The following ZNRF1 variants were observed in gnomAD, a reference collection of about 807,000 sequenced individuals.
The protein encoded by ZNRF1 is E3 ubiquitin-protein ligase ZNRF1.
ZNRF1 carries 3 observed loss-of-function variants against 18.4 expected under a neutral mutation model. That is an observed-to-expected ratio of 0.16 (90% CI 0.07 to 0.42). ZNRF1 has a LOEUF of 0.42. Ranked by LOEUF, ZNRF1 falls within the 10% of genes least tolerant of loss-of-function variation. The pLI is 0.99. For synonymous variants in ZNRF1, 157 were observed against 144.2 expected (o/e 1.09, Z -0.64); for missense variants, 310 against 329.8 (o/e 0.94, Z 0.47).
chr16:75,058,830 C>G (rs962106264), intron 1 of ZNRF1, among the ~76,000 whole-genome samples: 5 of 152,212 alleles, frequency 3.3e-5, no homozygotes, highest in Non-Finnish European at 4.4e-5. Context: ...AAATCGGTCT[C>G]ATCCCCCAGG....
intron 1 of ZNRF1, among the ~76,000 whole-genome samples, chr16:75,089,360 T>C (rs2036109864): frequency 6.6e-6 from 1 of 152,164 alleles, no homozygotes; most frequent in African/African-American, 2.4e-5. Flanking sequence ...CCTCCCACCA[T>C]GGCCTCCCAC....
At chr16:75,104,611 T>C (rs1000764224) in intron 2 of ZNRF1, 173 bp from the exon 3 acceptor site, 1 of 540,988 alleles carries the variant, frequency 1.8e-6, no homozygotes, top group Non-Finnish European at 3.3e-6. Flanking sequence ...ACGCATTATC[T>C]CCACGGTGAA....
chr16:75,106,603 A>G (rs898940690), intron 4 of ZNRF1, 32 bp downstream of exon 4: 1 of 1,600,802 alleles, frequency 6.2e-7, no homozygotes, highest in Admixed American at 1.7e-5. Context: ...CTCCGGGCTC[A>G]AGGCTTGGGG....
chr16:75,068,423 A>T (rs2035830171), intron 1 of ZNRF1, among the ~76,000 whole-genome samples: 1 of 152,028 alleles, frequency 6.6e-6, no homozygotes, highest in Non-Finnish European at 1.5e-5. Flanking sequence ...CGGGGGGCAC[A>T]AGCAGTGGAG....
chr16:75,078,187 C>T (rs192383630), intron 1 of ZNRF1, among the ~76,000 whole-genome samples: 6 of 151,614 alleles, frequency 4.0e-5, no homozygotes, highest in African/African-American at 7.3e-5. Context: ...ATAACTTGTG[C>T]GTGGAGAAGT....
intron 1 of ZNRF1, among the ~76,000 whole-genome samples, chr16:75,013,007 G>A (rs748798338): frequency 1.2e-4 from 19 of 152,222 alleles, no homozygotes; most frequent in Non-Finnish European, 2.2e-4. Context: ...AATTGTGGGA[G>A]TGAGTTTTCT....
rs1325320219 is a variant in ZNRF1 at position 75,108,276 on chromosome 16, A to AC, written c.*579dup. ...TTTTTTGCTCTTTTCTCCCCTTGAG[A>AC]CCCTAATATCTTGACTTCATTGCCA... is the stretch of plus-strand genomic sequence containing the variant. On this transcript the variant is annotated 3_prime_UTR_variant, in exon 5 of 5. Coordinates refer to ENST00000335325, the MANE Select transcript of ZNRF1 (RefSeq NM_032268.5). The AC allele has an allele frequency of 3.9e-5, 11 of 281,318 alleles. No homozygotes were observed. Among genetic ancestry groups the AC allele is most frequent in the Non-Finnish European group, 5.9e-5 (9 of 153,568 alleles). 17.4% of individuals were successfully genotyped at this position (281,318 alleles called of 1,614,324 possible). A position where few individuals can be genotyped will look rare whatever the true frequency, so the allele number is the denominator to read the frequency against.
At chr16:75,090,985 A>C (rs1383283325) in intron 1 of ZNRF1, among the ~76,000 whole-genome samples, 1 of 152,108 alleles carries the variant, frequency 6.6e-6, no homozygotes, top group Admixed American at 6.5e-5. Flanking sequence ...TCCTGAGCTC[A>C]AGTGATTTCC....
At chr16:75,071,852 C>T (rs1463488396) in intron 1 of ZNRF1, among the ~76,000 whole-genome samples, 1 of 152,182 alleles carries the variant, frequency 6.6e-6, no homozygotes, top group Non-Finnish European at 1.5e-5. Flanking sequence ...GGGGCCTTTG[C>T]ACATGATGCC....
intron 1 of ZNRF1, among the ~76,000 whole-genome samples, chr16:75,007,170 T>G (rs966253288): frequency 6.6e-6 from 1 of 151,376 alleles, no homozygotes; most frequent in African/African-American, 2.4e-5. Context: ...CGATCCTCCT[T>G]CCTCAGCCTC....
rs2036344144 is a variant in ZNRF1, at chr16:75,108,610, A to G, written c.*910A>G. ...TATTTATATATTAAAATACAAAAAAAAACTTATAAAATGTTTAAAAAAATG... is the reference window on the plus strand; with the variant it reads ...TATTTATATATTAAAATACAAAAAAGAACTTATAAAATGTTTAAAAAAATG... On this transcript the variant is annotated 3_prime_UTR_variant, in exon 5 of 5. Transcript: ENST00000335325. 2.5e-6 allele frequency: 1 copy of G among 398,948 alleles called. No individual in the cohort carries two copies. Among genetic ancestry groups the G allele is most frequent in the East Asian group, 3.6e-5 (1 of 28,060 alleles). 24.7% of individuals were successfully genotyped at this position (398,948 alleles called of 1,614,324 possible).
rs116686142 is a variant in ZNRF1 at position 75,095,361 on chromosome 16, C to T, written c.520+1694C>T. On this transcript the variant is annotated intron_variant, in intron 2 of 4. Transcript: ENST00000335325. ...GTTGTCACATGTGCTGCAGGCTTCG[C>T]GTCAGTCCTGTCGCATGCATGCTGT... Among the ~76,000 whole-genome samples the T allele has an allele frequency of 7.9e-3, 1,198 of 152,188 alleles. 25 individuals carry two copies. Among genetic ancestry groups the T allele is most frequent in the African/African-American group, 0.027 (1,124 of 41,522 alleles).
chr16:75,108,437 T>C lies in ZNRF1; in HGVS notation c.*737T>C, dbSNP rs920183702. 2 of 394,800 alleles carry C rather than the reference T, an allele frequency of 5.1e-6. No individual in the cohort carries two copies. Among genetic ancestry groups the C allele is most frequent in the Non-Finnish European group, 4.4e-6 (1 of 224,780 alleles). The allele number at this position is 394,800 out of a possible 1,614,324, so 24.5% of individuals were successfully genotyped here. A position where few individuals can be genotyped will look rare whatever the true frequency, so the allele number is the denominator to read the frequency against. On this transcript the variant is annotated 3_prime_UTR_variant, in exon 5 of 5. Coordinates refer to ENST00000335325, the MANE Select transcript of ZNRF1 (RefSeq NM_032268.5). ...ATGCCTGAACATTATTCTTAGGCCC[T>C]CGTGGATTTTTTTTTTCAGAAAACT...
chr16:75,001,782 A>G lies in ZNRF1; in HGVS notation c.424+1687A>G, dbSNP rs915243975. On this transcript the variant is annotated intron_variant, in intron 1 of 4. Coordinates refer to ENST00000335325, the MANE Select transcript of ZNRF1 (RefSeq NM_032268.5). ...TTTGCTAAAATTTCTTAAGCCTCTTACTAAAAATTTATTTATTATGCTACT... is the reference window on the plus strand; with the variant it reads ...TTTGCTAAAATTTCTTAAGCCTCTTGCTAAAAATTTATTTATTATGCTACT... 3.3e-5 allele frequency among the ~76,000 whole-genome samples: 5 copies of G among 152,200 alleles called. No homozygotes were observed. The South Asian group carries it at 1.0e-3, about 31-fold the overall frequency.
intron 1 of ZNRF1, among the ~76,000 whole-genome samples, chr16:75,008,975 C>G (rs776841587): frequency 6.6e-6 from 1 of 152,192 alleles, no homozygotes; most frequent in East Asian, 1.9e-4. Context: ...ATGAGGGGTC[C>G]TCTGTCCTCT....
intron 1 of ZNRF1, among the ~76,000 whole-genome samples, chr16:75,018,953 T>G (rs6564196): frequency 0.99 from 151,410 of 152,212 alleles, 75,312 homozygotes; most frequent in Middle Eastern, 1. Context: ...ATCATTTGAG[T>G]TCAGGAGTTC....
chr16:75,014,280 A>T (rs1360327725), intron 1 of ZNRF1, among the ~76,000 whole-genome samples: 1 of 152,126 alleles, frequency 6.6e-6, no homozygotes, highest in Non-Finnish European at 1.5e-5. Flanking sequence ...CTCCAAAGGG[A>T]ACGACTGCCC....
intron 1 of ZNRF1, among the ~76,000 whole-genome samples, chr16:75,006,250 AT>A (rs2034915514): frequency 6.6e-6 from 1 of 152,184 alleles, no homozygotes. Flanking sequence ...CTAAGCTTCA[AT>A]TTTGACAGCT....
chr16:75,033,785 T>C (rs1386476205), intron 1 of ZNRF1, among the ~76,000 whole-genome samples: 1 of 152,166 alleles, frequency 6.6e-6, no homozygotes, highest in Non-Finnish European at 1.5e-5. Context: ...TATTTACCTC[T>C]GAATGATTCT....
Sources: gnomAD v4.1 joint callset for allele counts (sites outside exome capture counted in the v4.1 genomes callset) on GRCh38, gnomAD v4.1.1 for gene constraint, MANE v1.5 for transcripts, NCBI Gene and HGNC (gene_info 2026-07-23, HGNC 2026-07-21) for gene names.